MED12L: variants seen among roughly 807,000 people sequenced by gnomAD.
MED12L encodes the protein mediator complex subunit 12L.
In MED12L, 60 loss-of-function variants were observed where a neutral mutation model predicts 281.3. The ratio of observed to expected loss-of-function variants is 0.21; its 90% CI spans 0.17 to 0.26. MED12L has a LOEUF of 0.26. MED12L is among the 10% of genes least tolerant of loss of function. The pLI, the probability that MED12L is intolerant of heterozygous loss-of-function variation, is 1.00. For missense variants in MED12L, 2,146 were observed against 2,680.9 expected (o/e 0.80, Z 4.41); for synonymous variants, 974 against 987.2 (o/e 0.99, Z 0.25).
intron 16 of MED12L, among the ~76,000 whole-genome samples, chr3:151,215,426 C>A (rs1165336866): frequency 6.6e-6 from 1 of 151,694 alleles, no homozygotes; most frequent in Non-Finnish European, 1.5e-5. Flanking sequence ...TCTACAAATG[C>A]TCTATTAAAT....
rs1426500452 is a variant in MED12L, at chr3:151,127,990, T to A, written c.556+6T>A. On this transcript the variant is annotated splice_donor_region_variant and intron_variant, in intron 5 of 44. Coordinates refer to ENST00000687756, the MANE Select transcript of MED12L (RefSeq NM_001393769.1). ...GGCTCCTGATCCGAATTTGGGTAAG[T>A]GAGAGAATACAATACACCTTACATT... 4 of 1,609,792 alleles carry A rather than the reference T, an allele frequency of 2.5e-6. No individual in the cohort carries two copies. Among genetic ancestry groups the A allele is most frequent in the Admixed American group, 3.4e-5 (2 of 59,534 alleles).
chr3:151,401,422 T>C (rs1715667982), intron 39 of MED12L, among the ~76,000 whole-genome samples: 1 of 152,164 alleles, frequency 6.6e-6, no homozygotes, highest in Non-Finnish European at 1.5e-5. Context: ...TAGAATAGTA[T>C]ATGAGCATTT....
chr3:151,294,884 A>C, intron 16 of MED12L: 1 of 1,614,126 alleles, frequency 6.2e-7, no homozygotes, highest in East Asian at 2.2e-5. Context: ...GTTTGCATAA[A>C]ACAAAACTGA....
intron 43 of MED12L, 71 bp downstream of exon 43, chr3:151,416,493 A>G: frequency 6.6e-7 from 1 of 1,516,398 alleles, no homozygotes; most frequent in South Asian, 1.2e-5. Context: ...GTTCATGTTC[A>G]TAAGATTGTT....
chr3:151,397,729 A>G (rs1014968616), intron 39 of MED12L, among the ~76,000 whole-genome samples: 8 of 152,192 alleles, frequency 5.3e-5, no homozygotes, highest in Non-Finnish European at 8.8e-5. Flanking sequence ...TCACCCACAT[A>G]TGATATGAAT....
At chr3:151,413,600 G>C (rs750229592) in intron 42 of MED12L, among the ~76,000 whole-genome samples, 1 of 152,160 alleles carries the variant, frequency 6.6e-6, no homozygotes, top group Non-Finnish European at 1.5e-5. Flanking sequence ...CCCAGTCTCT[G>C]TTTAAGTAGG....
rs1559962861 is a variant in MED12L, at chr3:151,269,441, A to AC, written c.2250+75775_2250+75776insC. 1,219 of 231,300 alleles carry AC rather than the reference A, an allele frequency of 5.3e-3. 14 individuals are homozygous for AC. The highest frequency in any genetic ancestry group is 0.028 in the African/African-American group (1,150 of 40,934). The allele number at this position is 231,300 out of a possible 1,614,324, so 14.3% of individuals were successfully genotyped here. A position where few individuals can be genotyped will look rare whatever the true frequency, so the allele number is the denominator to read the frequency against. The stretch of plus-strand genomic sequence containing the variant: ...CACACACACACACACACACACACAC[A>AC]AAATTCAGAGACTTAATGAACAAGC... On this transcript the variant is annotated intron_variant, in intron 16 of 44. Coordinates refer to ENST00000687756, the MANE Select transcript of MED12L (RefSeq NM_001393769.1).
At chr3:151,135,095 C>T (rs1017126544) in intron 5 of MED12L, among the ~76,000 whole-genome samples, 19 of 151,682 alleles carry the variant, frequency 1.3e-4, no homozygotes, top group African/African-American at 3.6e-4. Context: ...GGTGTGATCT[C>T]GGCTCACGCC....
At chr3:151,334,451 TC>T (rs1247441397) in intron 16 of MED12L, among the ~76,000 whole-genome samples, 1 of 151,932 alleles carries the variant, frequency 6.6e-6, no homozygotes, top group African/African-American at 2.4e-5. Flanking sequence ...AAGGTTTTTT[TC>T]CACCTGTTTT....
intron 16 of MED12L, chr3:151,326,510 A>G (rs1262151050): frequency 6.6e-6 from 1 of 152,532 alleles, no homozygotes; most frequent in Non-Finnish European, 1.5e-5. Flanking sequence ...TGGCCAGGTA[A>G]TATTTCATGG....
intron 5 of MED12L, among the ~76,000 whole-genome samples, chr3:151,131,623 C>A (rs768905397): frequency 6.6e-6 from 1 of 152,058 alleles, no homozygotes; most frequent in Non-Finnish European, 1.5e-5. Flanking sequence ...AACAAACAAA[C>A]AAACAAAAAC....
intron 11 of MED12L, among the ~76,000 whole-genome samples, chr3:151,181,419 A>AT (rs201215650): frequency 0.028 from 3,909 of 141,586 alleles, 124 homozygotes; most frequent in East Asian, 0.19. Context: ...CTTTCCTTCC[A>AT]TTTTTTTTTT....
intron 16 of MED12L, among the ~76,000 whole-genome samples, chr3:151,309,063 A>G (rs1040045956): frequency 6.6e-6 from 1 of 151,570 alleles, no homozygotes; most frequent in Non-Finnish European, 1.5e-5. Context: ...ACCCACCCTC[A>G]CCCATATGTA....
At chr3:151,328,114 G>C (rs2149862534) in intron 16 of MED12L, 1 of 1,612,276 alleles carries the variant, frequency 6.2e-7, no homozygotes, top group Non-Finnish European at 8.5e-7. Flanking sequence ...TGTATATTAA[G>C]GGATCCATAC....
intron 14 of MED12L, among the ~76,000 whole-genome samples, chr3:151,192,087 T>C (rs965630194): frequency 6.6e-6 from 1 of 152,228 alleles, no homozygotes; most frequent in African/African-American, 2.4e-5. Context: ...TTTAAACATT[T>C]GTCTTAATTT....
intron 16 of MED12L, chr3:151,329,125 C>A: frequency 1.4e-6 from 1 of 698,148 alleles, no homozygotes; most frequent in South Asian, 2.1e-5. Context: ...CTGCATTTAT[C>A]CAACACTTTC....
intron 2 of MED12L, among the ~76,000 whole-genome samples, chr3:151,111,607 G>A (rs1037514611): frequency 1.3e-5 from 2 of 152,168 alleles, no homozygotes; most frequent in Non-Finnish European, 2.9e-5. Flanking sequence ...GTATCCACCT[G>A]GAACCACAAC....
chr3:151,272,703 G>A (rs1259528167), intron 16 of MED12L, among the ~76,000 whole-genome samples: 1 of 152,126 alleles, frequency 6.6e-6, no homozygotes, highest in African/African-American at 2.4e-5. Flanking sequence ...GCAGGAGGTG[G>A]GGACATCTGT....
intron 39 of MED12L, among the ~76,000 whole-genome samples, chr3:151,401,720 A>G (rs996025974): frequency 1.3e-5 from 2 of 152,202 alleles, no homozygotes; most frequent in African/African-American, 4.8e-5. Context: ...GTTTATTCAG[A>G]GGGTGTAATT....
Sources: allele counts gnomAD v4.1 joint callset (sites outside exome capture counted in the v4.1 genomes callset), GRCh38; gene constraint gnomAD v4.1.1; transcripts MANE v1.5; gene names NCBI Gene and HGNC (gene_info 2026-07-23, HGNC 2026-07-21).